The following STK24 variants were observed in gnomAD, a reference collection of about 807,000 sequenced individuals.
STK24 encodes serine/threonine-protein kinase 24.
STK24 carries 21 observed loss-of-function variants against 55.6 expected under a neutral mutation model. The ratio of observed to expected loss-of-function variants is 0.38; its 90% confidence interval spans 0.27 to 0.54. STK24 has a LOEUF of 0.54. Among genes scored for constraint, STK24 ranks in the 20% least tolerant of loss-of-function variants. The pLI, the probability that STK24 is intolerant of heterozygous loss-of-function variation, is 0.79. For synonymous variants in STK24, 200 were observed against 215.2 expected (o/e 0.93, Z 0.62); for missense variants, 383 against 538.4 (o/e 0.71, Z 2.86).
intron 1 of STK24, among the ~76,000 whole-genome samples, chr13:98,543,187 T>C (rs891578751): frequency 1.3e-5 from 2 of 152,142 alleles, no homozygotes; most frequent in African/African-American, 4.8e-5. Context: ...GAGTTGTTTT[T>C]TTCCCCAAAA....
At chr13:98,512,310 T>C (rs1895908473) in intron 2 of STK24, among the ~76,000 whole-genome samples, 3 of 152,058 alleles carry the variant, frequency 2.0e-5, no homozygotes. Context: ...CTTACATAGG[T>C]CGATGATGAT....
intron 3 of STK24, among the ~76,000 whole-genome samples, chr13:98,479,482 T>C (rs1455806796): frequency 1.3e-5 from 2 of 152,208 alleles, no homozygotes; most frequent in Admixed American, 6.5e-5. Context: ...TGCTAAGGGA[T>C]GCACCCCTGC....
intron 2 of STK24, among the ~76,000 whole-genome samples, chr13:98,503,355 T>C (rs1014034408): frequency 6.6e-6 from 1 of 152,174 alleles, no homozygotes; most frequent in East Asian, 1.9e-4. Flanking sequence ...GGCAGAAACC[T>C]GATTAAAACA....
intron 2 of STK24, among the ~76,000 whole-genome samples, chr13:98,503,025 T>TTTTTTTTTTTTTTTTTG (rs1895542444): frequency 8.7e-5 from 2 of 22,984 alleles, no homozygotes; most frequent in African/African-American, 1.6e-4. Context: ...TTTCCATGTG[T>TTTTTTTTTTTTTTTTTG]TTTTTTTTTT....
chr13:98,509,549 C>T (rs780872887), intron 2 of STK24, among the ~76,000 whole-genome samples: 2 of 152,052 alleles, frequency 1.3e-5, no homozygotes, highest in Non-Finnish European at 2.9e-5. Flanking sequence ...TTACAGTAAA[C>T]TCTTCAAATT....
intron 1 of STK24, among the ~76,000 whole-genome samples, chr13:98,528,950 C>T (rs917403114): frequency 1.3e-5 from 2 of 152,294 alleles, no homozygotes; most frequent in Middle Eastern, 3.4e-3. Context: ...GGCACGGACT[C>T]TCACCACTCT....
intron 2 of STK24, among the ~76,000 whole-genome samples, chr13:98,491,063 C>T (rs1347155485): frequency 6.6e-6 from 1 of 152,172 alleles, no homozygotes; most frequent in Non-Finnish European, 1.5e-5. Context: ...TTGTCCTTCC[C>T]TTTCAGATGC....
At chr13:98,486,370 G>T (rs1195266098) in intron 2 of STK24, among the ~76,000 whole-genome samples, 2 of 152,144 alleles carry the variant, frequency 1.3e-5, no homozygotes, top group East Asian at 3.8e-4. Flanking sequence ...CCTGAAATGT[G>T]CCTCCAATGA....
At chr13:98,480,486 G>A (rs193286495) in intron 3 of STK24, among the ~76,000 whole-genome samples, 72 of 152,210 alleles carry the variant, frequency 4.7e-4, no homozygotes, top group African/African-American at 1.6e-3. Flanking sequence ...GTACATTTAT[G>A]GAAAGGAACC....
At position 98,543,074 on chromosome 13, in the gene STK24, G is replaced by A. The variant is rs79998687; in HGVS notation, c.43-23601C>T. On this transcript the variant is annotated intron_variant, in intron 1 of 10. Coordinates refer to ENST00000539966, the MANE Select transcript of STK24 (RefSeq NM_001032296.4). ...CAGGTGCCAGCAAAGGCCAAGGGAG[G>A]GGGGAGAGGCCGCAGCTCCGCTCCG... 1.1e-3 allele frequency: 1,027 copies of A among 969,116 alleles called. 11 individuals carry two copies. The African/African-American group carries it at 0.016, about 15-fold the overall frequency. The allele number at this position is 969,116 out of a possible 1,614,324, so 60.0% of individuals were successfully genotyped here.
chr13:98,553,163 G>C (rs983499379), intron 1 of STK24: 1 of 152,246 alleles, frequency 6.6e-6, no homozygotes, highest in African/African-American at 2.4e-5. Flanking sequence ...AGCCACCACG[G>C]TAGGCTAAGC....
Position 98,463,705 on chromosome 13 carries a change from G to T in STK24, c.915C>A (p.Ser305=). ...KAEQSHDDSS[S]EDSDAETDGQ... is the part of the protein sequence containing the mutation. ...GGCCGACTTACGCGTCGGAATCCTC[G>T]GAGCTCGAGTCGTCATGGCTCTGCT... The change falls in exon 7 of 11, where the codon TCC becomes TCA. Residue 305 remains serine, a synonymous_variant. Transcript: ENST00000539966. 1 of 1,613,906 alleles carries T rather than the reference G, an allele frequency of 6.2e-7. No homozygotes were observed.
intron 2 of STK24, among the ~76,000 whole-genome samples, chr13:98,518,699 G>C (rs755299052): frequency 6.6e-6 from 1 of 152,190 alleles, no homozygotes; most frequent in Non-Finnish European, 1.5e-5. Context: ...CAGAGTGGCA[G>C]TGCAGGACAA....
Position 98,450,021 on chromosome 13 carries a change from T to G in STK24, c.*3152A>C, listed in dbSNP as rs1474754195. 2 of 139,728 alleles carry G rather than the reference T, an allele frequency of 1.4e-5. No individual in the cohort carries two copies. Among genetic ancestry groups the G allele is most frequent in the African/African-American group, 5.2e-5 (2 of 38,436 alleles). The allele number at this position is 139,728 out of a possible 1,614,324, so 8.7% of individuals were successfully genotyped here. A position where few individuals can be genotyped will look rare whatever the true frequency, so the allele number is the denominator to read the frequency against. On this transcript the variant is annotated 3_prime_UTR_variant, in exon 11 of 11. Transcript: ENST00000539966. Reference sequence around the variant, plus strand: ...GAGACTTGGGGACAAGGCAGTCTCCTCAGCTATTTATTTCTGAATGATTGA... The same window carrying G: ...GAGACTTGGGGACAAGGCAGTCTCCGCAGCTATTTATTTCTGAATGATTGA...
chr13:98,477,317 G>A (rs1050429842), intron 3 of STK24, among the ~76,000 whole-genome samples: 11 of 152,140 alleles, frequency 7.2e-5, no homozygotes, highest in African/African-American at 1.4e-4. Flanking sequence ...TAGAGATGCC[G>A]GAGTGTTTGC....
chr13:98,489,406 G>A (rs1894933961), intron 2 of STK24, among the ~76,000 whole-genome samples: 1 of 152,198 alleles, frequency 6.6e-6, no homozygotes, highest in Non-Finnish European at 1.5e-5. Context: ...TTATGTGGTT[G>A]TTCCTCAGGC....
In STK24 at chr13:98,446,272, G is replaced by A. The variant is rs545649462; in HGVS notation, c.*6901C>T. 119 of 1,008,830 alleles carry A rather than the reference G, an allele frequency of 1.2e-4. No homozygotes were observed. The East Asian group carries it at 2.4e-3, about 20-fold the overall frequency. The allele number at this position is 1,008,830 out of a possible 1,614,324, so 62.5% of individuals were successfully genotyped here. A position where few individuals can be genotyped will look rare whatever the true frequency, so the allele number is the denominator to read the frequency against. ...GGTGGCAGCATGAGGTGAGGGGGCC[G>A]CCCTCCTCTGGAATGACTCAGGCCT... On this transcript the variant is annotated 3_prime_UTR_variant, in exon 11 of 11. Coordinates refer to ENST00000539966, the MANE Select transcript of STK24 (RefSeq NM_001032296.4).
At chr13:98,495,132 G>A (rs148240989) in intron 2 of STK24, among the ~76,000 whole-genome samples, 7 of 152,316 alleles carry the variant, frequency 4.6e-5, no homozygotes, top group Admixed American at 3.3e-4. Context: ...CCTGGTTCCC[G>A]CAGCCCACTT....
At chr13:98,557,708 A>AT (rs1205402555) in intron 1 of STK24, among the ~76,000 whole-genome samples, 1 of 152,200 alleles carries the variant, frequency 6.6e-6, no homozygotes, top group Non-Finnish European at 1.5e-5. Context: ...ACCACTCAGC[A>AT]TGGTCCCATG....
Sources: allele counts gnomAD v4.1 joint callset (sites outside exome capture counted in the v4.1 genomes callset), GRCh38; gene constraint gnomAD v4.1.1; transcripts MANE v1.5; gene names NCBI Gene and HGNC (gene_info 2026-07-23, HGNC 2026-07-21).